Variants in CSMD1 observed in about 807,000 individuals in gnomAD.
CSMD1 encodes the protein CUB and Sushi multiple domains 1.
CSMD1 carries 213 observed loss-of-function variants against 417.5 expected under a neutral mutation model. The observed-to-expected ratio is 0.51, with a 90% CI of 0.46 to 0.57. CSMD1 has a LOEUF of 0.57. Ranked by LOEUF, CSMD1 falls within the 20% of genes least tolerant of loss-of-function variation. CSMD1 has a pLI of 0.00. For synonymous variants in CSMD1, 2,862 were observed against 1,736.8 expected, an observed-to-expected ratio of 1.65 and a Z score of -16.11; for missense variants, 6,923 against 4,529.7, an observed-to-expected ratio of 1.53 and a Z score of -15.17.
intron 2 of CSMD1, among the ~76,000 whole-genome samples, chr8:4,467,844 C>G (rs571350336): frequency 6.6e-6 from 1 of 152,124 alleles, no homozygotes; most frequent in South Asian, 2.1e-4. Flanking sequence ...AATAATTGGA[C>G]AAAAGTCAGT....
chr8:3,551,354 G>T (rs1245400645), intron 10 of CSMD1, among the ~76,000 whole-genome samples: 1 of 152,108 alleles, frequency 6.6e-6, no homozygotes, highest in African/African-American at 2.4e-5. Context: ...TTTAGAGTTT[G>T]TGAGTCATTG....
At chr8:4,206,543 C>G (rs551586142) in intron 3 of CSMD1, among the ~76,000 whole-genome samples, 1 of 152,262 alleles carries the variant, frequency 6.6e-6, no homozygotes, top group African/African-American at 2.4e-5. Context: ...GCCTAGTATT[C>G]CATGGTGTAT....
chr8:4,002,489 G>T lies in CSMD1; in HGVS notation c.611-4379C>A, dbSNP rs149317794. 2.3e-4 allele frequency among the ~76,000 whole-genome samples: 35 copies of T among 152,226 alleles called. No individual in the cohort carries two copies. The East Asian group carries it at 6.0e-3, about 26-fold the overall frequency. On this transcript the variant is annotated intron_variant, in intron 4 of 69. Coordinates refer to ENST00000635120, the MANE Select transcript of CSMD1 (RefSeq NM_033225.6). ...TTAGATCTATGAAGCTCTACAGGAT[G>T]ATCAATTTTATAAATAATGCCACAG...
At chr8:4,578,590 G>A (rs1303037493) in intron 2 of CSMD1, among the ~76,000 whole-genome samples, 1 of 151,334 alleles carries the variant, frequency 6.6e-6, no homozygotes, top group Non-Finnish European at 1.5e-5. Context: ...GCCAAGGTGG[G>A]CGGTTCACGA....
At chr8:2,975,517 G>T (rs1255731062) in intron 55 of CSMD1, among the ~76,000 whole-genome samples, 1 of 152,092 alleles carries the variant, frequency 6.6e-6, no homozygotes, top group Admixed American at 6.6e-5. Flanking sequence ...TGAACGCCTG[G>T]AAGCCATGGC....
intron 5 of CSMD1, among the ~76,000 whole-genome samples, chr8:3,826,753 A>C (rs1171380662): frequency 1.3e-5 from 2 of 152,064 alleles, no homozygotes; most frequent in African/African-American, 2.4e-5. Flanking sequence ...AGGAGGACTC[A>C]CTTATAAGCA....
intron 26 of CSMD1, among the ~76,000 whole-genome samples, chr8:3,282,102 C>A (rs1032053674): frequency 6.6e-6 from 1 of 152,154 alleles, no homozygotes; most frequent in African/African-American, 2.4e-5. Flanking sequence ...AACCTCTTTT[C>A]TTGATAAATT....
At chr8:4,466,153 G>C (rs1050379982) in intron 2 of CSMD1, among the ~76,000 whole-genome samples, 2 of 152,146 alleles carry the variant, frequency 1.3e-5, no homozygotes, top group East Asian at 1.9e-4. Context: ...TATTGTGAGA[G>C]AGTCTTACTC....
At chr8:3,929,044 T>G in intron 5 of CSMD1, among the ~76,000 whole-genome samples, 1 of 150,480 alleles carries the variant, frequency 6.6e-6, no homozygotes, top group East Asian at 1.9e-4. Context: ...CCATCAGCAT[T>G]GCCATCTACT....
At chr8:3,219,025 T>C (rs1333153359) in intron 29 of CSMD1, among the ~76,000 whole-genome samples, 1 of 152,170 alleles carries the variant, frequency 6.6e-6, no homozygotes, top group Non-Finnish European at 1.5e-5. Context: ...TATATGGCCA[T>C]GAACTGGGAC....
chr8:3,592,203 A>G (rs542997059), intron 8 of CSMD1, among the ~76,000 whole-genome samples: 1 of 152,268 alleles, frequency 6.6e-6, no homozygotes, highest in Admixed American at 6.5e-5. Context: ...AGATGGACAG[A>G]AAGATAAACA....
At chr8:3,375,523 G>A (rs931710989) in intron 18 of CSMD1, among the ~76,000 whole-genome samples, 2 of 151,960 alleles carry the variant, frequency 1.3e-5, no homozygotes, top group African/African-American at 4.8e-5. Context: ...AGAAGTCGCT[G>A]ATTTTATTCA....
chr8:4,032,999 G>A lies in CSMD1; in HGVS notation c.416-900C>T, dbSNP rs190674506. The stretch of plus-strand genomic sequence containing the variant: ...ACTGACAATCTGTTTGCGGAAGCCT[G>A]CTACCTGGAGGCTTTGTATGCATGA... On this transcript the variant is annotated intron_variant, in intron 3 of 69. Coordinates refer to ENST00000635120, the MANE Select transcript of CSMD1 (RefSeq NM_033225.6). Among the ~76,000 whole-genome samples the A allele has an allele frequency of 2.1e-4, 32 of 152,140 alleles. No homozygotes were observed. In the Middle Eastern group the frequency reaches 0.01, roughly 49 times the overall value.
At chr8:4,371,291 G>A (rs1038966380) in intron 3 of CSMD1, among the ~76,000 whole-genome samples, 7 of 152,104 alleles carry the variant, frequency 4.6e-5, no homozygotes, top group African/African-American at 1.7e-4. Flanking sequence ...CCTCTGCTGG[G>A]CTGGAGAGGC....
chr8:3,338,622 G>A (rs933553568), intron 23 of CSMD1, among the ~76,000 whole-genome samples: 8 of 152,126 alleles, frequency 5.3e-5, no homozygotes, highest in South Asian at 2.1e-4. Flanking sequence ...GGCCTCTCCC[G>A]TGATACCAGC....
At chr8:3,234,387 C>T (rs530104231) in intron 26 of CSMD1, among the ~76,000 whole-genome samples, 14 of 152,226 alleles carry the variant, frequency 9.2e-5, no homozygotes, top group Admixed American at 7.9e-4. Context: ...TAAACACTGG[C>T]CATGATTTCT....
At chr8:4,337,644 T>G (rs1184961079) in intron 3 of CSMD1, among the ~76,000 whole-genome samples, 1 of 152,182 alleles carries the variant, frequency 6.6e-6, no homozygotes, top group Non-Finnish European at 1.5e-5. Context: ...ACTATTCCGT[T>G]GACTTACAGC....
At chr8:3,261,280 G>C (rs1320939970) in intron 26 of CSMD1, among the ~76,000 whole-genome samples, 1 of 152,154 alleles carries the variant, frequency 6.6e-6, no homozygotes, top group Non-Finnish European at 1.5e-5. Context: ...ATGTAAAATG[G>C]TACAGCCATT....
chr8:4,855,740 G>A (rs1251007833), intron 1 of CSMD1, among the ~76,000 whole-genome samples: 4 of 151,864 alleles, frequency 2.6e-5, no homozygotes, highest in Non-Finnish European at 5.9e-5. Flanking sequence ...AATGAGCAAA[G>A]CCTCCAAGAA....
Sources: allele counts gnomAD v4.1 joint callset (sites outside exome capture counted in the v4.1 genomes callset), GRCh38; gene constraint gnomAD v4.1.1; transcripts MANE v1.5; gene names NCBI Gene and HGNC (gene_info 2026-07-23, HGNC 2026-07-21).